Variants in GALNTL6 observed in about 807,000 individuals in gnomAD.
GALNTL6 encodes polypeptide N-acetylgalactosaminyltransferase-like 6.
In GALNTL6, 46 loss-of-function variants were observed where a neutral mutation model predicts 73.7. The ratio of observed to expected loss-of-function variants is 0.62; its 90% CI spans 0.49 to 0.80. The LOEUF (loss-of-function observed/expected upper bound fraction) is 0.80. Among genes scored for constraint, GALNTL6 ranks in the 30% least tolerant of loss-of-function variants. The pLI is 0.00. For missense variants in GALNTL6, 604 were observed against 755.0 expected (o/e 0.80, Z 2.34); for synonymous variants, 259 against 263.7 (o/e 0.98, Z 0.17).
At chr4:172,270,123 A>G (rs1738589512) in intron 3 of GALNTL6, among the ~76,000 whole-genome samples, 1 of 151,900 alleles carries the variant, frequency 6.6e-6, no homozygotes. Flanking sequence ...TTATTTTTCT[A>G]TCCATATTAG....
chr4:172,409,860 G>C (rs764509392), intron 5 of GALNTL6, among the ~76,000 whole-genome samples: 28 of 152,122 alleles, frequency 1.8e-4, no homozygotes, highest in Non-Finnish European at 3.4e-4. Flanking sequence ...TAACTGAAAA[G>C]AAAGAAGTTC....
chr4:171,852,405 C>A (rs1189068524), intron 2 of GALNTL6, among the ~76,000 whole-genome samples: 1 of 151,898 alleles, frequency 6.6e-6, no homozygotes, highest in Non-Finnish European at 1.5e-5. Context: ...CTTAAAGAAA[C>A]TTGAAAACTA....
rs116258333 is a variant in GALNTL6 at position 172,360,691 on chromosome 4, T to G, written c.553+12002T>G. On this transcript the variant is annotated intron_variant, in intron 5 of 12. Coordinates refer to ENST00000506823, the MANE Select transcript of GALNTL6 (RefSeq NM_001034845.3). ...GGAAATAATGGGAGAGGAAGACTAC[T>G]TCTGTGCAGTCGATGTTGCACTTGA... 3.4e-3 allele frequency among the ~76,000 whole-genome samples: 523 copies of G among 152,300 alleles called. 2 individuals carry two copies. Among genetic ancestry groups the G allele is most frequent in the African/African-American group, 0.012 (485 of 41,580 alleles).
intron 5 of GALNTL6, among the ~76,000 whole-genome samples, chr4:172,367,432 A>G (rs1404493431): frequency 6.6e-6 from 1 of 152,130 alleles, no homozygotes; most frequent in Admixed American, 6.5e-5. Flanking sequence ...TTACCAAGAT[A>G]ATGAATGCCT....
At chr4:171,827,236 T>C (rs1452252992) in intron 2 of GALNTL6, among the ~76,000 whole-genome samples, 1 of 152,166 alleles carries the variant, frequency 6.6e-6, no homozygotes, top group Non-Finnish European at 1.5e-5. Context: ...GATTACTTTA[T>C]TACTCTGTGA....
chr4:172,500,659 A>G (rs1430665211), intron 5 of GALNTL6, among the ~76,000 whole-genome samples: 4 of 152,140 alleles, frequency 2.6e-5, no homozygotes, highest in Admixed American at 6.5e-5. Context: ...CTACCATTAC[A>G]GAGCAGCTTA....
At chr4:172,106,378 C>T (rs1017764070) in intron 2 of GALNTL6, among the ~76,000 whole-genome samples, 1 of 151,998 alleles carries the variant, frequency 6.6e-6, no homozygotes, top group Admixed American at 6.6e-5. Flanking sequence ...AGAGAATCAA[C>T]TAAAATATCT....
chr4:172,418,705 T>C (rs781243997), intron 5 of GALNTL6, among the ~76,000 whole-genome samples: 6 of 152,180 alleles, frequency 3.9e-5, no homozygotes. Context: ...GAACATCTAA[T>C]ATTAGCATTC....
chr4:172,538,363 G>A (rs1297101025), intron 5 of GALNTL6, among the ~76,000 whole-genome samples: 1 of 152,144 alleles, frequency 6.6e-6, no homozygotes, highest in Admixed American at 6.5e-5. Context: ...GGGAGGCTGA[G>A]GCAGGAGAAT....
intron 8 of GALNTL6, among the ~76,000 whole-genome samples, chr4:172,912,524 C>T (rs559548431): frequency 1.2e-4 from 18 of 152,232 alleles, no homozygotes; most frequent in South Asian, 6.2e-4. Context: ...CCTAATACTG[C>T]GCTTTTCCAA....
At chr4:172,862,946 C>T (rs899850734) in intron 7 of GALNTL6, among the ~76,000 whole-genome samples, 2 of 152,198 alleles carry the variant, frequency 1.3e-5, no homozygotes, top group African/African-American at 2.4e-5. Flanking sequence ...GGACTTGGTG[C>T]CCTGCATCCC....
intron 2 of GALNTL6, among the ~76,000 whole-genome samples, chr4:171,968,191 C>T (rs545613566): frequency 1.3e-5 from 2 of 152,082 alleles, no homozygotes; most frequent in Non-Finnish European, 2.9e-5. Flanking sequence ...AATACTTCAG[C>T]GGCATCTGTA....
intron 5 of GALNTL6, among the ~76,000 whole-genome samples, chr4:172,760,143 C>T (rs1022254980): frequency 4.6e-5 from 7 of 151,046 alleles, no homozygotes; most frequent in Non-Finnish European, 8.9e-5. Context: ...GCCACCACAC[C>T]TCTTCTTATG....
At chr4:171,835,744 A>G (rs1248797547) in intron 2 of GALNTL6, among the ~76,000 whole-genome samples, 1 of 151,994 alleles carries the variant, frequency 6.6e-6, no homozygotes, top group East Asian at 1.9e-4. Flanking sequence ...TATGTCTACA[A>G]GTGACTGAAT....
chr4:171,919,253 A>G (rs1230644228), intron 2 of GALNTL6, among the ~76,000 whole-genome samples: 3 of 151,998 alleles, frequency 2.0e-5, no homozygotes, highest in African/African-American at 7.2e-5. Flanking sequence ...AATGAGATAA[A>G]GATAGCCAAT....
At chr4:171,987,910 C>T (rs922050290) in intron 2 of GALNTL6, among the ~76,000 whole-genome samples, 4 of 151,960 alleles carry the variant, frequency 2.6e-5, no homozygotes, top group African/African-American at 4.8e-5. Flanking sequence ...ATGTGGAAGT[C>T]GGGATTAAAG....
At chr4:172,942,393 A>C (rs547844684) in intron 9 of GALNTL6, among the ~76,000 whole-genome samples, 1 of 152,350 alleles carries the variant, frequency 6.6e-6, no homozygotes, top group East Asian at 1.9e-4. Context: ...TTGTGAGGGA[A>C]CCAAACTCTT....
intron 5 of GALNTL6, among the ~76,000 whole-genome samples, chr4:172,601,877 A>G (rs1423436356): frequency 6.6e-6 from 1 of 152,068 alleles, no homozygotes; most frequent in Non-Finnish European, 1.5e-5. Flanking sequence ...AAAATCCAAG[A>G]AGCAAAAAGT....
At chr4:172,061,916 C>T (rs1360895451) in intron 2 of GALNTL6, among the ~76,000 whole-genome samples, 4 of 150,910 alleles carry the variant, frequency 2.7e-5, no homozygotes, top group African/African-American at 9.7e-5. Context: ...CCACCCATTC[C>T]CTGCTTTTGA....
Sources: gnomAD v4.1 joint callset for allele counts (sites outside exome capture counted in the v4.1 genomes callset) on GRCh38, gnomAD v4.1.1 for gene constraint, MANE v1.5 for transcripts, NCBI Gene and HGNC (gene_info 2026-07-23, HGNC 2026-07-21) for gene names.